SP3: variants seen among roughly 807,000 people sequenced by gnomAD.
SP3 encodes transcription factor Sp3.
In SP3, 10 loss-of-function variants were observed where a neutral mutation model predicts 70.3. The observed-to-expected ratio is 0.14, with a 90% confidence interval of 0.09 to 0.24. The LOEUF is 0.24. Among genes scored for constraint, SP3 ranks in the 10% least tolerant of loss-of-function variants. The pLI is 1.00. For missense variants in SP3, 825 were observed against 914.6 expected (o/e 0.90, Z 1.26); for synonymous variants, 402 against 333.5 (o/e 1.21, Z -2.24).
rs1023709835 is a variant in SP3 at position 173,965,265 on chromosome 2, C to G, written c.-94G>C. The G allele has an allele frequency of 2.1e-6, 3 of 1,400,816 alleles. No homozygotes were observed. In the African/African-American group the frequency reaches 4.3e-5, roughly 20 times the overall value. The allele number at this position is 1,400,816 out of a possible 1,614,324, so 86.8% of individuals were successfully genotyped here. ...CGGCGGGAGAGGATGCGGGAAGCGG[C>G]GGCGGACACGGCCGGAGCGGTCCGG... On this transcript the variant is annotated 5_prime_UTR_variant, in exon 1 of 7. Coordinates refer to ENST00000310015, the MANE Select transcript of SP3 (RefSeq NM_003111.5).
chr2:173,901,695 CTTTTTTTTTTTTTTT>C lies in SP3; in HGVS notation c.*8231_*8245del, dbSNP rs34329180. Among the ~76,000 whole-genome samples the C allele has an allele frequency of 1.5e-4, 11 of 74,966 alleles. No homozygotes were observed. The South Asian group carries it at 6.6e-3, about 45-fold the overall frequency. 49.2% of individuals were successfully genotyped at this position (74,966 alleles called of 152,430 possible). A position where few individuals can be genotyped will look rare whatever the true frequency, so the allele number is the denominator to read the frequency against. On this transcript the variant is annotated 3_prime_UTR_variant, in exon 7 of 7. Coordinates refer to ENST00000310015, the MANE Select transcript of SP3 (RefSeq NM_003111.5). ...GGGAAACAGTTAGTTGGACTTAAGC[CTTTTTTTTTTTTTTT>C]TTTTTTTTTGAGACGAAATCTTGCT... is the stretch of plus-strand genomic sequence containing the variant.
At position 173,964,294 on chromosome 2, in the gene SP3, G is replaced by C. The variant is rs930681575; in HGVS notation, c.156+111C>G. 5.0e-4 allele frequency: 275 copies of C among 549,084 alleles called. 2 individuals are homozygous for C. In the African/African-American group the frequency reaches 5.2e-3, roughly 10 times the overall value. 34.0% of individuals were successfully genotyped at this position (549,084 alleles called of 1,614,324 possible). The stretch of plus-strand genomic sequence containing the variant: ...CCCGGGGCGGGGGGAGGGGAGTGGA[G>C]GGGAGGGGAGAGACGAGGAGGGAGG... On this transcript the variant is annotated intron_variant, in intron 2 of 6. Transcript: ENST00000310015.
In SP3 at chr2:173,955,313, A is replaced by G. The variant is rs1427738061; in HGVS notation, c.1199T>C (p.Leu400Pro). ...ACTGGTTGGCTGCTGAGACTCTTGA[A>G]GTTGTAGATGCTGTACAACAGGCTG... ...TAQPVVQHLQ[L>P]QESQQPTSQA... The change falls in exon 4 of 7, where the codon CTT (leucine) becomes CCT (proline). Residue 400 changes from leucine (L) to proline (P), a missense_variant. By Grantham distance (98) the Leu-to-Pro change is moderately conservative. Around this residue, in one of 4 missense-constraint regions of SP3, gnomAD observed 678 missense variants for 651.6 expected, o/e 1.04. Coordinates refer to ENST00000310015, the MANE Select transcript of SP3 (RefSeq NM_003111.5). 6.2e-7 allele frequency: 1 copy of G among 1,614,124 alleles called. No homozygotes were observed. Among genetic ancestry groups the G allele is most frequent in the South Asian group, 1.1e-5 (1 of 91,088 alleles).
chr2:173,941,148 A>AT (rs1690362148), intron 4 of SP3, among the ~76,000 whole-genome samples: 1 of 149,066 alleles, frequency 6.7e-6, no homozygotes, highest in East Asian at 1.9e-4. Context: ...AAAAAAAAAA[A>AT]GTCTGTAATT....
At position 173,955,212 on chromosome 2, in the gene SP3, G is replaced by C; in HGVS notation, c.1300C>G (p.Gln434Glu). 2 of 1,614,168 alleles carry C rather than the reference G, an allele frequency of 1.2e-6. No individual in the cohort carries two copies. The highest frequency in any genetic ancestry group is 1.7e-6 in the Non-Finnish European group (2 of 1,180,028). ...TGCAACTGAAGATTTTGCAAAGCCTGTTGTGATATATTTTGACCACTGGCT... is the reference window on the plus strand; with the variant it reads ...TGCAACTGAAGATTTTGCAAAGCCTCTTGTGATATATTTTGACCACTGGCT... ...VQASGQNISQQALQNLQLQLN... is the reference protein window; with the variant it reads ...VQASGQNISQEALQNLQLQLN... Residue 434 changes from glutamine (Q) to glutamate (E), a missense_variant, in exon 4 of 7, where the codon CAG (glutamine) becomes GAG (glutamate). By Grantham distance (29) the Gln-to-Glu change is conservative (BLOSUM62 2). Coordinates refer to ENST00000310015, the MANE Select transcript of SP3 (RefSeq NM_003111.5).
rs796893005 is a variant in SP3 at position 173,938,590 on chromosome 2, GA to G, written c.1639+16282del. Among the ~76,000 whole-genome samples, 729 of 141,704 alleles carry G rather than the reference GA, an allele frequency of 5.1e-3. 2 individuals carry two copies. The highest frequency in any genetic ancestry group is 0.018 in the African/African-American group (687 of 38,352). 93.0% of individuals were successfully genotyped at this position (141,704 alleles called of 152,430 possible). ...TTTATCCATCAAAAAAAAGAATGCAGAAAAAAAAAAGATGAGTAAGCAATGA... is the reference window on the plus strand; with the variant it reads ...TTTATCCATCAAAAAAAAGAATGCAGAAAAAAAAAGATGAGTAAGCAATGA... On this transcript the variant is annotated intron_variant, in intron 4 of 6. Coordinates refer to ENST00000310015, the MANE Select transcript of SP3 (RefSeq NM_003111.5).
rs1472845900 is a variant in SP3 at position 173,913,315 on chromosome 2, T to G, written c.1833-49A>C. ...ATATACTTATATGAAAATATTCAAA[T>G]GGACATTACCATTTACATCATATAT... On this transcript the variant is annotated intron_variant, in intron 5 of 6. Coordinates refer to ENST00000310015, the MANE Select transcript of SP3 (RefSeq NM_003111.5). The G allele has an allele frequency of 4.6e-6, 6 of 1,304,030 alleles. No individual in the cohort carries two copies. The East Asian group carries it at 8.2e-5, about 18-fold the overall frequency. 80.8% of individuals were successfully genotyped at this position (1,304,030 alleles called of 1,614,324 possible). A position where few individuals can be genotyped will look rare whatever the true frequency, so the allele number is the denominator to read the frequency against.
chr2:173,902,943 A>G lies in SP3; in HGVS notation c.*6998T>C, dbSNP rs1689216260. 6.6e-6 allele frequency among the ~76,000 whole-genome samples: 1 copy of G among 152,226 alleles called. No individual in the cohort carries two copies. Among genetic ancestry groups the G allele is most frequent in the Non-Finnish European group, 1.5e-5 (1 of 68,042 alleles). On this transcript the variant is annotated 3_prime_UTR_variant, in exon 7 of 7. Coordinates refer to ENST00000310015, the MANE Select transcript of SP3 (RefSeq NM_003111.5). ...CTAAAAGAAAAAATATATAGGTAAAAATAAGACTATAAAAGTTGGGTGATA... is the reference window on the plus strand; with the variant it reads ...CTAAAAGAAAAAATATATAGGTAAAGATAAGACTATAAAAGTTGGGTGATA...
chr2:173,927,469 G>C (rs1559095837), intron 4 of SP3, among the ~76,000 whole-genome samples: 1 of 151,820 alleles, frequency 6.6e-6, no homozygotes, highest in Non-Finnish European at 1.5e-5. Context: ...GTAGAGACTG[G>C]GTTTCACCAT....
At chr2:173,952,626 TTCA>T (rs1690746524) in intron 4 of SP3, among the ~76,000 whole-genome samples, 1 of 152,196 alleles carries the variant, frequency 6.6e-6, no homozygotes, top group South Asian at 2.1e-4. Flanking sequence ...AGCAGCAATA[TTCA>T]TAATAGCCAA....
rs1689233464 is a variant in SP3 at position 173,903,682 on chromosome 2, T to C, written c.*6259A>G. On this transcript the variant is annotated 3_prime_UTR_variant, in exon 7 of 7. Coordinates refer to ENST00000310015, the MANE Select transcript of SP3 (RefSeq NM_003111.5). ...GGTGTGACATAGAAACACAGGCTAA[T>C]GCTGGCAGAAAGTCAGTATTCCACA... Among the ~76,000 whole-genome samples, 1 of 152,192 alleles carries C rather than the reference T, an allele frequency of 6.6e-6. No individual in the cohort carries two copies. The highest frequency in any genetic ancestry group is 2.4e-5 in the African/African-American group (1 of 41,456).
Position 173,948,026 on chromosome 2 carries a change from TAACA to T in SP3, c.1639+6843_1639+6846del, listed in dbSNP as rs577765940. Among the ~76,000 whole-genome samples, 321 of 152,290 alleles carry T rather than the reference TAACA, an allele frequency of 2.1e-3. 1 individual carries two copies. Among genetic ancestry groups the T allele is most frequent in the African/African-American group, 7.5e-3 (312 of 41,544 alleles). On this transcript the variant is annotated intron_variant, in intron 4 of 6. Coordinates refer to ENST00000310015, the MANE Select transcript of SP3 (RefSeq NM_003111.5). ...TCTTCATTTAAGTCATACCTCAGGA[TAACA>T]AACAGCAACAACTTTTTGTAGCTCC...
chr2:173,950,145 G>A (rs1310830896), intron 4 of SP3, among the ~76,000 whole-genome samples: 1 of 151,926 alleles, frequency 6.6e-6, no homozygotes, highest in Admixed American at 6.6e-5. Context: ...GATGTTTCCA[G>A]GAAGATGGAG....
rs755317014 is a variant in SP3 at position 173,907,296 on chromosome 2, A to T, written c.*2645T>A. On this transcript the variant is annotated 3_prime_UTR_variant, in exon 7 of 7. Transcript: ENST00000310015. ...ACAAAACACCTATTAGAGTATACCT[A>T]CCCTGAGAATTATACACAATACTAA... 1 of 152,186 alleles carries T rather than the reference A, an allele frequency of 6.6e-6. No homozygotes were observed. The highest frequency in any genetic ancestry group is 1.5e-5 in the Non-Finnish European group (1 of 67,994). 9.4% of individuals were successfully genotyped at this position (152,186 alleles called of 1,614,324 possible). A position where few individuals can be genotyped will look rare whatever the true frequency, so the allele number is the denominator to read the frequency against.
In SP3 at chr2:173,905,910, G is replaced by A. The variant is rs977149838; in HGVS notation, c.*4031C>T. On this transcript the variant is annotated 3_prime_UTR_variant, in exon 7 of 7. Coordinates refer to ENST00000310015, the MANE Select transcript of SP3 (RefSeq NM_003111.5). ...GCTACTTAAGAGGCCGAAGTGGGGAGGATTGCTTGAGACCAGTAAGTGGAG... is the reference window on the plus strand; with the variant it reads ...GCTACTTAAGAGGCCGAAGTGGGGAAGATTGCTTGAGACCAGTAAGTGGAG... 6.6e-6 allele frequency among the ~76,000 whole-genome samples: 1 copy of A among 152,132 alleles called. No homozygotes were observed.
In SP3 at chr2:173,953,926, A is replaced by C. The variant is rs547836501; in HGVS notation, c.1639+947T>G. Among the ~76,000 whole-genome samples, 116 of 152,306 alleles carry C rather than the reference A, an allele frequency of 7.6e-4. 1 individual carries two copies. The highest frequency in any genetic ancestry group is 1.3e-3 in the Non-Finnish European group (88 of 68,024). On this transcript the variant is annotated intron_variant, in intron 4 of 6. Transcript: ENST00000310015. ...GATCTGAGGTTCTAAGACCATTTCA[A>C]TTTTCTAAGCATGTATCACAAATTT...
chr2:173,911,041 T>C (rs1022740000), intron 6 of SP3, among the ~76,000 whole-genome samples: 29 of 152,220 alleles, frequency 1.9e-4, no homozygotes, highest in Admixed American at 1.0e-3. Context: ...AAATATTTTC[T>C]TAATTCCTTT....
intron 4 of SP3, among the ~76,000 whole-genome samples, chr2:173,928,794 C>G (rs1210022542): frequency 2.6e-5 from 4 of 152,240 alleles, no homozygotes; most frequent in Admixed American, 6.5e-5. Context: ...AAGCCAAAGA[C>G]CTGGATCTTG....
chr2:173,954,321 A>C (rs1690809774), intron 4 of SP3, among the ~76,000 whole-genome samples: 1 of 152,220 alleles, frequency 6.6e-6, no homozygotes, highest in Admixed American at 6.5e-5. Flanking sequence ...TCACAGAATC[A>C]AAGAATTTTT....
Sources: allele counts gnomAD v4.1 joint callset (sites outside exome capture counted in the v4.1 genomes callset), GRCh38; gene constraint gnomAD v4.1.1; regional missense constraint gnomAD v4.1.1; transcripts MANE v1.5; gene names NCBI Gene and HGNC (gene_info 2026-07-23, HGNC 2026-07-21).